The following SYT10 variants were observed in gnomAD, a reference collection of about 807,000 sequenced individuals.
SYT10 encodes the protein synaptotagmin-10.
SYT10 carries 31 observed loss-of-function variants against 51.1 expected under a neutral mutation model. The ratio of observed to expected loss-of-function variants is 0.61; its 90% CI spans 0.46 to 0.82. SYT10 has a LOEUF of 0.82. SYT10 is among the 40% of genes least tolerant of loss of function. The pLI is 0.00. For missense variants in SYT10, 603 were observed against 634.0 expected (o/e 0.95, Z 0.53); for synonymous variants, 233 against 225.9 (o/e 1.03, Z -0.28).
At chr12:33,429,052 G>C (rs541066589) in intron 1 of SYT10, among the ~76,000 whole-genome samples, 6 of 152,270 alleles carry the variant, frequency 3.9e-5, no homozygotes, top group Admixed American at 3.3e-4. Context: ...TTTTCATTAG[G>C]ATTTGCAATA....
At chr12:33,410,647 C>T (rs1361928869) in intron 2 of SYT10, among the ~76,000 whole-genome samples, 2 of 152,164 alleles carry the variant, frequency 1.3e-5, no homozygotes, top group Admixed American at 6.5e-5. Flanking sequence ...CCACATTCTG[C>T]TCAGCTTCAC....
At position 33,385,164 on chromosome 12, in the gene SYT10, T is replaced by C. The variant is rs1481664953; in HGVS notation, c.1198+7A>G. 2 of 1,613,462 alleles carry C rather than the reference T, an allele frequency of 1.2e-6. No individual in the cohort carries two copies. The highest frequency in any genetic ancestry group is 1.7e-5 in the Admixed American group (1 of 59,972). On this transcript the variant is annotated splice_region_variant and intron_variant, in intron 4 of 6. Coordinates refer to ENST00000228567, the MANE Select transcript of SYT10 (RefSeq NM_198992.4). ...TGCCCTTGGTCCTGTGGCCATTGTG[T>C]ACATACCTGATGAGCCAGTAATATC...
At chr12:33,400,643 T>TAA (rs928314239) in intron 3 of SYT10, among the ~76,000 whole-genome samples, 1 of 151,150 alleles carries the variant, frequency 6.6e-6, no homozygotes, top group Admixed American at 6.6e-5. Context: ...GTAGTTATGT[T>TAA]AAAAAAAAAG....
chr12:33,415,490 C>A (rs1458647781), intron 2 of SYT10, among the ~76,000 whole-genome samples: 2 of 152,170 alleles, frequency 1.3e-5, no homozygotes, highest in African/African-American at 2.4e-5. Context: ...TATCCTCTTG[C>A]TTTAATTTGC....
At chr12:33,434,291 T>C (rs1191680894) in intron 1 of SYT10, among the ~76,000 whole-genome samples, 1 of 152,226 alleles carries the variant, frequency 6.6e-6, no homozygotes, top group East Asian at 1.9e-4. Context: ...TCTAGCTTTT[T>C]AATGTTGTAA....
At chr12:33,392,008 C>T (rs1250582812) in intron 3 of SYT10, among the ~76,000 whole-genome samples, 1 of 152,052 alleles carries the variant, frequency 6.6e-6, no homozygotes, top group Non-Finnish European at 1.5e-5. Flanking sequence ...AAGTGCTTGC[C>T]CACGTAAGAT....
chr12:33,394,035 C>T (rs11052677), intron 3 of SYT10, among the ~76,000 whole-genome samples: 28,069 of 152,076 alleles, frequency 0.18, 2,884 homozygotes, highest in South Asian at 0.25. Flanking sequence ...ATCCTTGCTC[C>T]TCCCTATATA....
intron 5 of SYT10, among the ~76,000 whole-genome samples, chr12:33,381,025 G>A (rs1464878816): frequency 6.6e-6 from 1 of 151,956 alleles, no homozygotes; most frequent in Admixed American, 6.6e-5. Context: ...TGTATATCTT[G>A]TTAGCATCCA....
At chr12:33,397,430 C>A (rs11052679) in intron 3 of SYT10, among the ~76,000 whole-genome samples, 87,172 of 151,956 alleles carry the variant, frequency 0.57, 25,537 homozygotes, top group East Asian at 0.89. Context: ...AAAAACTGTA[C>A]CCTCAGATGA....
chr12:33,395,075 G>A (rs1236171153), intron 3 of SYT10, among the ~76,000 whole-genome samples: 1 of 152,214 alleles, frequency 6.6e-6, no homozygotes, highest in African/African-American at 2.4e-5. Context: ...GCGACAGAGC[G>A]AGACTCCGTC....
At chr12:33,426,527 T>C in intron 1 of SYT10, 32 bp from the exon 2 acceptor site, 1 of 1,464,784 alleles carries the variant, frequency 6.8e-7, no homozygotes, top group Non-Finnish European at 9.1e-7. Flanking sequence ...AATGATTAAT[T>C]AATATTGTAC....
intron 3 of SYT10, among the ~76,000 whole-genome samples, chr12:33,390,348 C>T (rs1221832810): frequency 3.9e-5 from 6 of 152,028 alleles, no homozygotes; most frequent in African/African-American, 1.5e-4. Flanking sequence ...AAAGGCCATA[C>T]GGGATAATAA....
chr12:33,439,414 T>C lies in SYT10; in HGVS notation c.109A>G (p.Ile37Val). 1 of 1,614,134 alleles carries C rather than the reference T, an allele frequency of 6.2e-7. No individual in the cohort carries two copies. The highest frequency in any genetic ancestry group is 8.5e-7 in the Non-Finnish European group (1 of 1,180,024). ...TGGCTGCCCCTGTCCCGAGGGAAGA[T>C]GCCCGAGCACTTCTCCCACTCCACC... ...GQVEWEKCSGIFPRDRGSQGG... is the reference protein window; with the variant it reads ...GQVEWEKCSGVFPRDRGSQGG... The change falls in exon 1 of 7, where the codon ATC becomes GTC. Residue 37 changes from isoleucine (I) to valine (V), a missense_variant. Transcript: ENST00000228567.
At chr12:33,381,976 T>C (rs529732940) in intron 5 of SYT10, among the ~76,000 whole-genome samples, 4 of 152,318 alleles carry the variant, frequency 2.6e-5, no homozygotes, top group African/African-American at 9.6e-5. Context: ...CTCATGCAGC[T>C]AGTTAATGAT....
At position 33,407,129 on chromosome 12, in the gene SYT10, T is replaced by A; in HGVS notation, c.737A>T (p.Glu246Val). 6.2e-7 allele frequency: 1 copy of A among 1,613,766 alleles called. No individual in the cohort carries two copies. Among genetic ancestry groups the A allele is most frequent in the African/African-American group, 1.3e-5 (1 of 74,934 alleles). ...NFTLQYDYEN[E>V]LLVVKIIKAL... is the part of the protein sequence containing the mutation. ...TTTGATAATTTTAACAACTAGAAGT[T>A]CATTTTCATAATCATACTGGAGGGT... Residue 246 changes from glutamate to valine, a missense_variant, in exon 3 of 7, where the codon GAA becomes GTA. Coordinates refer to ENST00000228567, the MANE Select transcript of SYT10 (RefSeq NM_198992.4).
At chr12:33,420,551 C>T (rs1866493741) in intron 2 of SYT10, among the ~76,000 whole-genome samples, 1 of 151,996 alleles carries the variant, frequency 6.6e-6, no homozygotes, top group African/African-American at 2.4e-5. Flanking sequence ...ACTTGGGAGG[C>T]TGAGGCAGGA....
chr12:33,380,770 G>A (rs1335780125), intron 5 of SYT10, among the ~76,000 whole-genome samples: 3 of 152,160 alleles, frequency 2.0e-5, no homozygotes, highest in African/African-American at 7.2e-5. Context: ...AGAGACAGGA[G>A]CTGAATCAAA....
At chr12:33,427,211 G>A (rs1310130791) in intron 1 of SYT10, among the ~76,000 whole-genome samples, 1 of 152,078 alleles carries the variant, frequency 6.6e-6, no homozygotes, top group Admixed American at 6.5e-5. Context: ...CATGAGGGAA[G>A]TCTTCATGAG....
rs758003544 is a variant in SYT10, at chr12:33,384,368, TTTG to T, written c.1198+800_1198+802del. ...TTTTTTTTGTGATGCAAATTTAGGT[TTTG>T]TTGTTGTTCTGCAAAACCACAAATT... On this transcript the variant is annotated intron_variant, in intron 4 of 6. Transcript: ENST00000228567. Among the ~76,000 whole-genome samples the T allele has an allele frequency of 4.6e-5, 7 of 152,116 alleles. No individual in the cohort carries two copies. In the East Asian group the frequency reaches 1.3e-3, roughly 29 times the overall value.
Sources: gnomAD v4.1 joint callset for allele counts (sites outside exome capture counted in the v4.1 genomes callset) on GRCh38, gnomAD v4.1.1 for gene constraint, MANE v1.5 for transcripts, NCBI Gene and HGNC (gene_info 2026-07-23, HGNC 2026-07-21) for gene names.